The following ANKRD12 variants were observed in gnomAD, a reference collection of about 807,000 sequenced individuals.
The protein encoded by ANKRD12 is ankyrin repeat domain 12.
ANKRD12 carries 85 observed loss-of-function variants against 183.4 expected under a neutral mutation model. That is an observed-to-expected ratio of 0.46 (90% confidence interval 0.39 to 0.56). ANKRD12 has a LOEUF of 0.56. Among genes scored for constraint, ANKRD12 ranks in the 20% least tolerant of loss-of-function variants. The pLI is 0.00. For missense variants in ANKRD12, 2,405 were observed against 2,357.1 expected, an observed-to-expected ratio of 1.02 and a Z score of -0.42; for synonymous variants, 914 against 800.2, an observed-to-expected ratio of 1.14 and a Z score of -2.40.
At position 9,281,162 on chromosome 18, in the gene ANKRD12, GTGA is replaced by G. The variant is rs2040093252; in HGVS notation, c.*39_*41del. On this transcript the variant is annotated 3_prime_UTR_variant, in exon 13 of 13. Coordinates refer to ENST00000262126, the MANE Select transcript of ANKRD12 (RefSeq NM_015208.5). The stretch of plus-strand genomic sequence containing the variant: ...TTCCTGATGGTATTGTCCTAAACTG[GTGA>G]TGCTCAAGCATTATACTGTGGAATA... 1 of 1,561,182 alleles carries G rather than the reference GTGA, an allele frequency of 6.4e-7. No homozygotes were observed. The highest frequency in any genetic ancestry group is 2.3e-5 in the East Asian group (1 of 44,200).
At chr18:9,263,736 C>A in intron 9 of ANKRD12, 54 bp from the exon 10 acceptor site, 2 of 1,302,698 alleles carry the variant, frequency 1.5e-6, no homozygotes, top group Non-Finnish European at 2.1e-6. Context: ...AAAGAATAGC[C>A]CATTATTGTA....
intron 3 of ANKRD12, among the ~76,000 whole-genome samples, chr18:9,197,544 C>T (rs1411107772): frequency 6.8e-6 from 1 of 147,194 alleles, no homozygotes; most frequent in Non-Finnish European, 1.5e-5. Flanking sequence ...CAAAGCCTTA[C>T]CAATAACATA....
At chr18:9,205,776 C>T (rs534731870) in intron 4 of ANKRD12, among the ~76,000 whole-genome samples, 1 of 152,024 alleles carries the variant, frequency 6.6e-6, no homozygotes, top group South Asian at 2.1e-4. Flanking sequence ...ATGTACATTG[C>T]AAACAGGATT....
chr18:9,236,550 G>A (rs1267551566), intron 8 of ANKRD12, among the ~76,000 whole-genome samples: 2 of 151,778 alleles, frequency 1.3e-5, no homozygotes, highest in Non-Finnish European at 2.9e-5. Flanking sequence ...TTATTAGACT[G>A]GAAAAATAAG....
intron 7 of ANKRD12, among the ~76,000 whole-genome samples, chr18:9,217,993 T>C (rs1380249911): frequency 6.6e-6 from 1 of 152,234 alleles, no homozygotes; most frequent in Non-Finnish European, 1.5e-5. Context: ...CATTGCCCTT[T>C]CCTTTGAATT....
At chr18:9,237,524 A>C (rs139055303) in intron 8 of ANKRD12, among the ~76,000 whole-genome samples, 1 of 152,226 alleles carries the variant, frequency 6.6e-6, no homozygotes, top group Non-Finnish European at 1.5e-5. Context: ...GATTAAATCA[A>C]TGTATAGCCT....
intron 1 of ANKRD12, among the ~76,000 whole-genome samples, chr18:9,174,116 G>A (rs1437215258): frequency 6.6e-6 from 1 of 152,186 alleles, no homozygotes; most frequent in African/African-American, 2.4e-5. Context: ...CCCTGTGAGG[G>A]ACTCCTCCTC....
intron 1 of ANKRD12, among the ~76,000 whole-genome samples, chr18:9,158,384 G>A (rs2030915376): frequency 6.6e-6 from 1 of 152,064 alleles, no homozygotes; most frequent in South Asian, 2.1e-4. Context: ...TAGTTATCAT[G>A]TCTCCTTAGC....
At chr18:9,181,747 T>TCAGG (rs1457636782) in intron 1 of ANKRD12, among the ~76,000 whole-genome samples, 4 of 152,200 alleles carry the variant, frequency 2.6e-5, no homozygotes, top group African/African-American at 9.6e-5. Context: ...CATAAACTTG[T>TCAGG]CATAATCATA....
chr18:9,259,924 A>T (rs1194366641), intron 9 of ANKRD12: 1 of 152,160 alleles, frequency 6.6e-6, no homozygotes, highest in East Asian at 1.9e-4. Context: ...ACTTTAGAAC[A>T]CTATATAGAT....
At chr18:9,192,440 T>A (rs2034510605) in intron 2 of ANKRD12, among the ~76,000 whole-genome samples, 1 of 152,182 alleles carries the variant, frequency 6.6e-6, no homozygotes, top group African/African-American at 2.4e-5. Flanking sequence ...GGCTTGATAG[T>A]CTGTTTAGGA....
intron 3 of ANKRD12, among the ~76,000 whole-genome samples, chr18:9,201,412 C>T (rs1183693766): frequency 6.6e-6 from 1 of 152,132 alleles, no homozygotes; most frequent in African/African-American, 2.4e-5. Flanking sequence ...CTCTTCTTGG[C>T]CCTCAAACTT....
intron 8 of ANKRD12, among the ~76,000 whole-genome samples, chr18:9,230,676 T>C (rs886264794): frequency 2.0e-5 from 3 of 151,786 alleles, no homozygotes; most frequent in Admixed American, 2.0e-4. Flanking sequence ...TTTTCTTCTT[T>C]GAGACAGAGT....
chr18:9,137,479 C>G (rs1177573224), intron 1 of ANKRD12: 3 of 145,998 alleles, frequency 2.1e-5, no homozygotes, highest in Non-Finnish European at 3.0e-5. Flanking sequence ...GGCGGTCGGA[C>G]CCGCGGGGGC....
intron 8 of ANKRD12, among the ~76,000 whole-genome samples, chr18:9,237,737 A>C (rs1567950880): frequency 6.6e-6 from 1 of 152,150 alleles, no homozygotes. Flanking sequence ...ATTAGCATGG[A>C]GCGAAATCTG....
Position 9,266,507 on chromosome 18 carries a change from G to A in ANKRD12, c.5763+2619G>A, listed in dbSNP as rs1269227131. 1.7e-4 allele frequency among the ~76,000 whole-genome samples: 26 copies of A among 152,118 alleles called. 1 individual carries two copies. Among genetic ancestry groups the A allele is most frequent in the African/African-American group, 3.6e-4 (15 of 41,492 alleles). On this transcript the variant is annotated intron_variant, in intron 10 of 12. Coordinates refer to ENST00000262126, the MANE Select transcript of ANKRD12 (RefSeq NM_015208.5). ...ATTTTCAACCCAGAATTTCATATCC[G>A]GCCAAACTAAGCTTCATAAGTGAAG...
At chr18:9,263,683 C>G in intron 9 of ANKRD12, 107 bp from the exon 10 acceptor site, 1 of 663,598 alleles carries the variant, frequency 1.5e-6, no homozygotes, top group Non-Finnish European at 2.3e-6. Context: ...ATTCACAGGA[C>G]ATCAGAATTT....
chr18:9,233,320 TG>T (rs1367327584), intron 8 of ANKRD12, among the ~76,000 whole-genome samples: 1 of 152,120 alleles, frequency 6.6e-6, no homozygotes, highest in Non-Finnish European at 1.5e-5. Flanking sequence ...CTATCTTGAA[TG>T]GTTTTTCTGA....
chr18:9,147,151 T>C (rs1370502291), intron 1 of ANKRD12, among the ~76,000 whole-genome samples: 1 of 152,194 alleles, frequency 6.6e-6, no homozygotes, highest in East Asian at 1.9e-4. Context: ...GAAGCAGTGA[T>C]TATTGTAAAC....
Sources: gnomAD v4.1 joint callset for allele counts (sites outside exome capture counted in the v4.1 genomes callset) on GRCh38, gnomAD v4.1.1 for gene constraint, MANE v1.5 for transcripts, NCBI Gene and HGNC (gene_info 2026-07-23, HGNC 2026-07-21) for gene names.